TNRC6C: variants seen among roughly 807,000 people sequenced by gnomAD.
TNRC6C encodes the protein trinucleotide repeat containing adaptor 6C.
Under a neutral mutation model 153.7 loss-of-function variants are expected in TNRC6C, and 20 were observed. The ratio of observed to expected loss-of-function variants is 0.13; its 90% CI spans 0.09 to 0.19. The LOEUF is 0.19. TNRC6C is among the 10% of genes least tolerant of loss of function. TNRC6C has a pLI of 1.00. For missense variants in TNRC6C, 1,987 were observed against 2,172.0 expected (o/e 0.91, Z 1.69); for synonymous variants, 811 against 841.4 (o/e 0.96, Z 0.63).
chr17:78,002,311 C>T (rs912100974), upstream of TNRC6C, among the ~76,000 whole-genome samples: 9 of 151,960 alleles, frequency 5.9e-5, no homozygotes, highest in Non-Finnish European at 1.2e-4. Flanking sequence ...TTCTCAGGGC[C>T]GCAGAGAAAG....
exon 17 of TNRC6C, chr17:78,098,391 A>G: frequency 6.2e-7 from 1 of 1,613,792 alleles, no homozygotes. Flanking sequence ...CCTACCTCCC[A>G]CACGCAAGCC....
chr17:78,092,528 C>G (rs1479120286), intron 14 of TNRC6C, among the ~76,000 whole-genome samples: 1 of 152,152 alleles, frequency 6.6e-6, no homozygotes, highest in Non-Finnish European at 1.5e-5. Context: ...TCTTACTGGA[C>G]AAACTGAAAT....
intron 17 of TNRC6C, among the ~76,000 whole-genome samples, chr17:78,100,864 C>T (rs1014692591): frequency 2.0e-5 from 3 of 149,500 alleles, no homozygotes; most frequent in Non-Finnish European, 4.4e-5. Context: ...CAACCTCTGC[C>T]TCCCAGGTTC....
chr17:78,045,927 A>G (rs1328359538), intron 2 of TNRC6C, among the ~76,000 whole-genome samples: 7 of 151,818 alleles, frequency 4.6e-5, no homozygotes, highest in Admixed American at 4.6e-4. Context: ...CTATTTTAAA[A>G]ATGTTATAGG....
intron 3 of TNRC6C, among the ~76,000 whole-genome samples, chr17:78,052,939 AT>A (rs1226658104): frequency 3.3e-5 from 5 of 152,158 alleles, no homozygotes; most frequent in Admixed American, 2.6e-4. Context: ...GTGAATTGGC[AT>A]TTTTTTAATG....
chr17:78,108,758 G>A (rs899482242), exon 20 of TNRC6C: 3 of 152,966 alleles, frequency 2.0e-5, no homozygotes, highest in Non-Finnish European at 2.9e-5. Context: ...GAAGACAACA[G>A]GTTCTTCACC....
chr17:78,025,257 G>A (rs377730363), intron 1 of TNRC6C, among the ~76,000 whole-genome samples: 5 of 152,202 alleles, frequency 3.3e-5, no homozygotes, highest in Admixed American at 1.3e-4. Flanking sequence ...CCTGGCAACC[G>A]CTGATCTTTT....
intron 1 of TNRC6C, among the ~76,000 whole-genome samples, chr17:78,027,759 C>A (rs776814950): frequency 3.5e-4 from 53 of 152,176 alleles, no homozygotes; most frequent in Non-Finnish European, 6.8e-4. Flanking sequence ...TCATAAGACA[C>A]ATCCCAATGT....
chr17:78,001,717 A>T (rs2071415466), upstream of TNRC6C, among the ~76,000 whole-genome samples: 1 of 152,224 alleles, frequency 6.6e-6, no homozygotes, highest in South Asian at 2.1e-4. Context: ...ATATGTTTTT[A>T]TACAGTTACA....
At chr17:78,048,095 T>TGG (rs1023759000) in intron 2 of TNRC6C, among the ~76,000 whole-genome samples, 62 of 152,162 alleles carry the variant, frequency 4.1e-4, no homozygotes, top group African/African-American at 1.3e-3. Context: ...ATAGCACTTG[T>TGG]GGGGCTGAGA....
intron 2 of TNRC6C, among the ~76,000 whole-genome samples, chr17:78,039,088 T>C (rs888310865): frequency 5.3e-5 from 8 of 152,214 alleles, no homozygotes; most frequent in Admixed American, 4.6e-4. Flanking sequence ...CCCAGTGGCA[T>C]GAATTAATAA....
chr17:78,049,023 C>G lies in TNRC6C; in HGVS notation c.-40C>G. ...AATCTGCCTCAGAATGTACTACAGA[C>G]ACTGACTCTGCCTCCAACTGTGGCT... On this transcript the variant is annotated 5_prime_UTR_variant, in exon 3 of 20. Transcript: ENST00000301624. The surrounding 1 kb of genome is among the most constrained non-coding windows in gnomAD (Gnocchi z 4.1). 6.8e-7 allele frequency: 1 copy of G among 1,471,024 alleles called. No homozygotes were observed. Among genetic ancestry groups the G allele is most frequent in the Non-Finnish European group, 9.0e-7 (1 of 1,110,986 alleles). The allele number at this position is 1,471,024 out of a possible 1,614,324, so 91.1% of individuals were successfully genotyped here. A position where few individuals can be genotyped will look rare whatever the true frequency, so the allele number is the denominator to read the frequency against.
At position 78,049,078 on chromosome 17, in the gene TNRC6C, G is replaced by A; in HGVS notation, c.16G>A (p.Ala6Thr). The A allele has an allele frequency of 1.3e-6, 2 of 1,550,446 alleles. No individual in the cohort carries two copies. Among genetic ancestry groups the A allele is most frequent in the South Asian group, 1.3e-5 (1 of 79,454 alleles). Residue 6 changes from alanine (A) to threonine (T), a missense_variant, in exon 3 of 20, where the codon GCC becomes ACC. Ala to Thr is a moderately conservative substitution (Grantham distance 58). Coordinates refer to ENST00000301624, the Ensembl canonical transcript of TNRC6C. The surrounding 1 kb of genome is among the most constrained non-coding windows in gnomAD (Gnocchi z 4.1). Reference sequence around the variant, plus strand: ...GAACAGTAGCATGGCTACAGGGAGTGCCCAGGGCAACTTCACTGGACATAC... The same window carrying A: ...GAACAGTAGCATGGCTACAGGGAGTACCCAGGGCAACTTCACTGGACATAC...
At chr17:78,029,017 C>G (rs2072003565) in intron 1 of TNRC6C, among the ~76,000 whole-genome samples, 1 of 152,198 alleles carries the variant, frequency 6.6e-6, no homozygotes, top group Non-Finnish European at 1.5e-5. Flanking sequence ...ATTAGGTTAT[C>G]ACCCAACTCT....
chr17:78,051,223 A>C, exon 3 of TNRC6C: 1 of 1,564,532 alleles, frequency 6.4e-7, no homozygotes, highest in Non-Finnish European at 8.7e-7. Context: ...CATTCGCCGC[A>C]AAATGGAAAT....
chr17:78,048,829 G>T lies in TNRC6C; in HGVS notation c.-218-16G>T. On this transcript the variant is annotated splice_polypyrimidine_tract_variant and intron_variant, in intron 2 of 19. Transcript: ENST00000301624. Reference sequence around the variant, plus strand: ...AGTAGAAAATCTAATTTTGAATTTTGTTTCATCTTTTTCAGATCTCAGTCA... The same window carrying T: ...AGTAGAAAATCTAATTTTGAATTTTTTTTCATCTTTTTCAGATCTCAGTCA... 2.4e-6 allele frequency: 3 copies of T among 1,233,118 alleles called. No individual in the cohort carries two copies. The highest frequency in any genetic ancestry group is 3.0e-6 in the Non-Finnish European group (3 of 988,834). The allele number at this position is 1,233,118 out of a possible 1,614,324, so 76.4% of individuals were successfully genotyped here. A position where few individuals can be genotyped will look rare whatever the true frequency, so the allele number is the denominator to read the frequency against.
At chr17:78,078,142 C>T (rs973424638) in intron 9 of TNRC6C, among the ~76,000 whole-genome samples, 3 of 152,186 alleles carry the variant, frequency 2.0e-5, no homozygotes, top group Admixed American at 6.5e-5. Flanking sequence ...CACCAGCGCC[C>T]GACTGTGTGA....
intron 1 of TNRC6C, among the ~76,000 whole-genome samples, chr17:78,028,478 C>A (rs1277870317): frequency 6.6e-6 from 1 of 151,892 alleles, no homozygotes; most frequent in Non-Finnish European, 1.5e-5. Context: ...CAACCTGAGT[C>A]AGGAAGTAGG....
intron 11 of TNRC6C, 70 bp downstream of exon 13, chr17:78,083,236 A>T: frequency 1.9e-6 from 3 of 1,595,076 alleles, no homozygotes; most frequent in Non-Finnish European, 2.6e-6. Context: ...TGCTGAGAGC[A>T]GCAGTTGTGA....
Sources: allele counts gnomAD v4.1 joint callset (sites outside exome capture counted in the v4.1 genomes callset), GRCh38; gene constraint gnomAD v4.1.1; non-coding constraint Gnocchi (gnomAD v3.1); transcripts MANE v1.5; gene names NCBI Gene and HGNC (gene_info 2026-07-23, HGNC 2026-07-21).